LRRC1: variants seen among roughly 807,000 people sequenced by gnomAD.
The protein encoded by LRRC1 is leucine rich repeat containing 1.
LRRC1 carries 28 observed loss-of-function variants against 69.9 expected under a neutral mutation model. That is an observed-to-expected ratio of 0.40 (90% CI 0.30 to 0.55). The LOEUF (loss-of-function observed/expected upper bound fraction) is 0.55, where lower values mean the gene tolerates loss of function less well. Among genes scored for constraint, LRRC1 ranks in the 20% least tolerant of loss-of-function variants. The pLI is 0.47. For missense variants in LRRC1, 498 were observed against 609.0 expected (o/e 0.82, Z 1.92); for synonymous variants, 236 against 240.2 (o/e 0.98, Z 0.16).
Position 53,900,230 on chromosome 6 carries a change from G to C in LRRC1, c.787+339G>C, listed in dbSNP as rs530040944. On this transcript the variant is annotated intron_variant, in intron 8 of 13. Coordinates refer to ENST00000370888, the MANE Select transcript of LRRC1 (RefSeq NM_018214.5). ...TTTTTTGTATTTTTAGTAGAGACGG[G>C]GTTTCACCCTGTTAGCCAGGATGGT... 2.6e-5 allele frequency among the ~76,000 whole-genome samples: 4 copies of C among 151,928 alleles called. No individual in the cohort carries two copies. The East Asian group carries it at 5.8e-4, about 22-fold the overall frequency.
chr6:53,923,080 G>C lies in LRRC1; in HGVS notation c.*287G>C, dbSNP rs986267920. The C allele has an allele frequency of 7.9e-6, 2 of 251,666 alleles. No individual in the cohort carries two copies. Among genetic ancestry groups the C allele is most frequent in the Admixed American group, 5.3e-5 (1 of 18,704 alleles). 15.6% of individuals were successfully genotyped at this position (251,666 alleles called of 1,614,324 possible). On this transcript the variant is annotated 3_prime_UTR_variant, in exon 14 of 14. Coordinates refer to ENST00000370888, the MANE Select transcript of LRRC1 (RefSeq NM_018214.5). ...CGACCTTTGTTTTTGTCTTATGTTGGGGTAAAGGAAAGCAGGAAGGGGAAT... is the reference window on the plus strand; with the variant it reads ...CGACCTTTGTTTTTGTCTTATGTTGCGGTAAAGGAAAGCAGGAAGGGGAAT...
intron 1 of LRRC1, among the ~76,000 whole-genome samples, chr6:53,840,874 G>A (rs1460431325): frequency 6.7e-6 from 1 of 148,192 alleles, no homozygotes; most frequent in Non-Finnish European, 1.5e-5. Context: ...TGGGGTGGGG[G>A]GGTATGTGTT....
In LRRC1 at chr6:53,862,407, A is replaced by G. The variant is rs1449971310; in HGVS notation, c.278-16586A>G. ...CATTTTTTTCTGCACATTATCCCATATGAAACCTCACATTTAATATTCTGG... is the reference window on the plus strand; with the variant it reads ...CATTTTTTTCTGCACATTATCCCATGTGAAACCTCACATTTAATATTCTGG... On this transcript the variant is annotated intron_variant, in intron 2 of 13. Coordinates refer to ENST00000370888, the MANE Select transcript of LRRC1 (RefSeq NM_018214.5). 3.3e-5 allele frequency among the ~76,000 whole-genome samples: 5 copies of G among 151,990 alleles called. No homozygotes were observed. In the East Asian group the frequency reaches 9.6e-4, roughly 29 times the overall value.
At chr6:53,917,002 A>G (rs188332557) in intron 11 of LRRC1, among the ~76,000 whole-genome samples, 62 of 152,318 alleles carry the variant, frequency 4.1e-4, no homozygotes, top group African/African-American at 1.4e-3. Flanking sequence ...TAGAACACAG[A>G]GATGCCTGCG....
chr6:53,907,237 C>CATATCT (rs1768271199), intron 10 of LRRC1, among the ~76,000 whole-genome samples: 1 of 152,194 alleles, frequency 6.6e-6, no homozygotes. Flanking sequence ...AAGTTGCATA[C>CATATCT]ATATCTAAAC....
chr6:53,824,100 C>A (rs531062700), intron 1 of LRRC1, among the ~76,000 whole-genome samples: 1 of 152,092 alleles, frequency 6.6e-6, no homozygotes, highest in Non-Finnish European at 1.5e-5. Context: ...TATTTATACT[C>A]CCACCAACAG....
chr6:53,841,932 C>A (rs1041273809), intron 1 of LRRC1, among the ~76,000 whole-genome samples, 178 bp from the exon 2 acceptor site: 1 of 152,072 alleles, frequency 6.6e-6, no homozygotes, highest in South Asian at 2.1e-4. Context: ...GTTCCTTATA[C>A]CCAGTTTTTC....
At chr6:53,881,821 T>C (rs1259006117) in intron 3 of LRRC1, among the ~76,000 whole-genome samples, 1 of 152,242 alleles carries the variant, frequency 6.6e-6, no homozygotes, top group East Asian at 1.9e-4. Context: ...GCATTTTAGA[T>C]GCAATGAGAT....
At chr6:53,881,036 G>A (rs975191811) in intron 3 of LRRC1, among the ~76,000 whole-genome samples, 5 of 152,116 alleles carry the variant, frequency 3.3e-5, no homozygotes, top group African/African-American at 1.2e-4. Context: ...TCTCTCAACT[G>A]GAACACACCT....
intron 2 of LRRC1, among the ~76,000 whole-genome samples, chr6:53,870,792 C>T (rs1278877346): frequency 1.3e-5 from 2 of 152,176 alleles, no homozygotes; most frequent in Non-Finnish European, 2.9e-5. Context: ...ATCCCCTCCA[C>T]CCCACTACCC....
chr6:53,830,645 G>GT (rs1278676056), intron 1 of LRRC1, among the ~76,000 whole-genome samples: 5 of 152,050 alleles, frequency 3.3e-5, no homozygotes, highest in Non-Finnish European at 7.4e-5. Flanking sequence ...TGTGAATGTA[G>GT]TATGTGTGAG....
chr6:53,842,873 A>T lies in LRRC1; in HGVS notation c.277+646A>T, dbSNP rs536085320. 2.0e-5 allele frequency among the ~76,000 whole-genome samples: 3 copies of T among 152,280 alleles called. No homozygotes were observed. The South Asian group carries it at 6.2e-4, about 32-fold the overall frequency. On this transcript the variant is annotated intron_variant, in intron 2 of 13. Transcript: ENST00000370888. The stretch of plus-strand genomic sequence containing the variant: ...TTTGTGAGTTTATTTTGATTTTCAG[A>T]TCCCACTATTGATTCATTTTTACTG...
chr6:53,921,588 C>T (rs561473897), intron 13 of LRRC1, among the ~76,000 whole-genome samples: 9 of 152,296 alleles, frequency 5.9e-5, no homozygotes, highest in African/African-American at 2.2e-4. Context: ...TTGAAAATTT[C>T]GTCTCTCAGA....
intron 4 of LRRC1, among the ~76,000 whole-genome samples, chr6:53,885,293 A>T (rs994231007): frequency 6.6e-6 from 1 of 152,222 alleles, no homozygotes; most frequent in Non-Finnish European, 1.5e-5. Context: ...ATTATTTGAA[A>T]CTTGGAAGCT....
intron 1 of LRRC1, among the ~76,000 whole-genome samples, chr6:53,817,311 A>G (rs1367624092): frequency 6.6e-6 from 1 of 152,200 alleles, no homozygotes; most frequent in Non-Finnish European, 1.5e-5. Flanking sequence ...TAAAAAAATT[A>G]TATATTGACA....
intron 1 of LRRC1, among the ~76,000 whole-genome samples, chr6:53,817,482 C>T (rs1764984679): frequency 6.6e-6 from 1 of 151,978 alleles, no homozygotes; most frequent in Non-Finnish European, 1.5e-5. Flanking sequence ...TTAAAATGTG[C>T]AATACTCAGT....
intron 3 of LRRC1, among the ~76,000 whole-genome samples, chr6:53,880,396 C>T (rs979261445): frequency 6.6e-6 from 1 of 152,160 alleles, no homozygotes; most frequent in Admixed American, 6.5e-5. Flanking sequence ...TTCTATAGCT[C>T]CCATCTCTAT....
chr6:53,859,552 G>C (rs1014824433), intron 2 of LRRC1, among the ~76,000 whole-genome samples: 2 of 152,112 alleles, frequency 1.3e-5, no homozygotes, highest in Non-Finnish European at 2.9e-5. Flanking sequence ...TTTACATTAT[G>C]ATCTTTTTCA....
At chr6:53,828,194 G>A (rs1431421010) in intron 1 of LRRC1, among the ~76,000 whole-genome samples, 2 of 149,660 alleles carry the variant, frequency 1.3e-5, no homozygotes, top group Admixed American at 1.3e-4. Context: ...AAGAAACATG[G>A]GTAATTTGTC....
Sources: gnomAD v4.1 joint callset for allele counts (sites outside exome capture counted in the v4.1 genomes callset) on GRCh38, gnomAD v4.1.1 for gene constraint, MANE v1.5 for transcripts, NCBI Gene and HGNC (gene_info 2026-07-23, HGNC 2026-07-21) for gene names.